The following ZNF280C variants were observed in gnomAD, a reference collection of about 807,000 sequenced individuals.
ZNF280C encodes zinc finger protein 280C.
A neutral mutation model predicts 53.6 loss-of-function variants in ZNF280C; 14 were observed. The ratio of observed to expected loss-of-function variants is 0.26; its 90% CI spans 0.17 to 0.41. The LOEUF is 0.41. Among genes scored for constraint, ZNF280C ranks in the 10% least tolerant of loss-of-function variants. The pLI is 1.00. For missense variants in ZNF280C, 416 were observed against 547.1 expected (o/e 0.76, Z 2.39); for synonymous variants, 203 against 181.1 (o/e 1.12, Z -0.97).
At chrX:130,266,964 G>C (rs1646745723) in intron 1 of ZNF280C, among the ~76,000 whole-genome samples, 1 of 111,093 alleles carries the variant, frequency 9.0e-6, no homozygotes, top group African/African-American at 3.3e-5. Flanking sequence ...AGCCGGGCGT[G>C]GTGGCAAGGG....
chrX:130,265,426 T>C (rs1208724734), intron 1 of ZNF280C, among the ~76,000 whole-genome samples: 1 of 112,556 alleles, frequency 8.9e-6, no homozygotes, highest in Non-Finnish European at 1.9e-5. Context: ...AAAAGACTAA[T>C]GTACAATTAC....
intron 1 of ZNF280C, among the ~76,000 whole-genome samples, chrX:130,265,148 T>C (rs1163082257): frequency 1.8e-5 from 2 of 112,222 alleles, no homozygotes; most frequent in Non-Finnish European, 3.8e-5. Context: ...TTTATTATTT[T>C]ATCCTTATTC....
intron 16 of ZNF280C, among the ~76,000 whole-genome samples, chrX:130,206,361 G>GTTTTTTTTTT (rs1048503644): frequency 6.8e-5 from 5 of 73,478 alleles, no homozygotes; most frequent in Admixed American, 1.7e-4. Context: ...GACTTCTTTA[G>GTTTTTTTTTT]TTTTTTTTTT....
intron 11 of ZNF280C, 46 bp downstream of exon 11, chrX:130,227,636 T>A (rs1416345496): frequency 2.2e-6 from 2 of 926,909 alleles, no homozygotes; most frequent in African/African-American, 3.9e-5. Context: ...TCATGGCACA[T>A]GAAAATTAAA....
chrX:130,260,276 T>C (rs1359820122), intron 2 of ZNF280C, 143 bp downstream of exon 2: 5 of 323,694 alleles, frequency 1.5e-5, no homozygotes, highest in African/African-American at 1.4e-4. Context: ...AGTGAGACTC[T>C]GTCTCAAAAA....
chrX:130,206,705 A>G (rs775018590), intron 16 of ZNF280C, among the ~76,000 whole-genome samples: 4 of 111,584 alleles, frequency 3.6e-5, no homozygotes, highest in Non-Finnish European at 3.8e-5. Flanking sequence ...ATTTACACCT[A>G]GCCAGAACTC....
chrX:130,261,579 C>T (rs1470353195), intron 1 of ZNF280C, among the ~76,000 whole-genome samples: 1 of 112,027 alleles, frequency 8.9e-6, no homozygotes, highest in Non-Finnish European at 1.9e-5. Flanking sequence ...CTAGTGAATT[C>T]TGTAATTCAG....
chrX:130,262,098 A>G (rs2032635878), intron 1 of ZNF280C, among the ~76,000 whole-genome samples: 1 of 112,113 alleles, frequency 8.9e-6, no homozygotes, highest in African/African-American at 3.2e-5. Flanking sequence ...GGCTATAGAG[A>G]TAGCTTTTGA....
chrX:130,264,074 A>AGAAAGAAAGAAAGAAAGAAAGAAAGAAAG (rs2032662796), intron 1 of ZNF280C, among the ~76,000 whole-genome samples: 1 of 109,392 alleles, frequency 9.1e-6, no homozygotes, highest in African/African-American at 3.3e-5. Context: ...AAAGAAAGAA[A>AGAAAGAAAGAAAGAAAGAAAGAAAGAAAG]AAATAATCAG....
rs183215989 is a variant in ZNF280C at position 130,237,229 on chromosome X, T to C, written c.494-590A>G. Reference sequence around the variant, plus strand: ...TCTTGTTTACTCCCTATATACAAAGTAGAAACAACTAATGTTGAATGATAA... The same window carrying C: ...TCTTGTTTACTCCCTATATACAAAGCAGAAACAACTAATGTTGAATGATAA... On this transcript the variant is annotated intron_variant, in intron 6 of 18. Transcript: ENST00000370978. Among the ~76,000 whole-genome samples, 597 of 111,980 alleles carry C rather than the reference T, an allele frequency of 5.3e-3. 2 individuals carry two copies. Among genetic ancestry groups the C allele is most frequent in the Middle Eastern group, 9.3e-3 (2 of 215 alleles).
chrX:130,258,304 T>C (rs2032596318), intron 2 of ZNF280C, among the ~76,000 whole-genome samples: 1 of 111,823 alleles, frequency 8.9e-6, no homozygotes, highest in African/African-American at 3.3e-5. Flanking sequence ...AATTTTACTA[T>C]ATTAAAATAA....
chrX:130,215,173 A>T lies in ZNF280C; in HGVS notation c.1979+20T>A, dbSNP rs762317014. The T allele has an allele frequency of 8.3e-7, 1 of 1,202,732 alleles. No homozygotes were observed. The highest frequency in any genetic ancestry group is 1.8e-5 in the South Asian group (1 of 55,482). ...GACCCAAATGGAAATTCTGATTGGC[A>T]GTTTACATGTTTAACTTACCTCATC... is the stretch of plus-strand genomic sequence containing the variant. On this transcript the variant is annotated intron_variant, in intron 15 of 18. Transcript: ENST00000370978.
At chrX:130,255,888 G>T (rs910882811) in intron 2 of ZNF280C, among the ~76,000 whole-genome samples, 2 of 112,031 alleles carry the variant, frequency 1.8e-5, no homozygotes, top group Non-Finnish European at 3.8e-5. Context: ...CCAGGAGCCG[G>T]TGGTTGCAGT....
At chrX:130,262,125 CAA>C (rs1245926405) in intron 1 of ZNF280C, among the ~76,000 whole-genome samples, 1 of 111,969 alleles carries the variant, frequency 8.9e-6, no homozygotes, top group Non-Finnish European at 1.9e-5. Context: ...ATGCAGCCAC[CAA>C]AGAGTCTCAA....
rs144349550 is a variant in ZNF280C at position 130,259,213 on chromosome X, A to G, written c.31+1206T>C. Among the ~76,000 whole-genome samples the G allele has an allele frequency of 5.9e-3, 664 of 112,273 alleles. 1 individual carries two copies. Among genetic ancestry groups the G allele is most frequent in the Admixed American group, 9.6e-3 (101 of 10,537 alleles). ...CCAAAGTAAGCTCCTTGAGAGTGAA[A>G]AACATATTTTCTTTCTTTGTATTTC... On this transcript the variant is annotated intron_variant, in intron 2 of 18. Coordinates refer to ENST00000370978, the MANE Select transcript of ZNF280C (RefSeq NM_017666.5).
chrX:130,264,951 T>C (rs972886624), intron 1 of ZNF280C, among the ~76,000 whole-genome samples: 4 of 111,991 alleles, frequency 3.6e-5, no homozygotes, highest in Non-Finnish European at 7.5e-5. Flanking sequence ...CTTAGACAAT[T>C]TGACTGGCAT....
chrX:130,227,414 C>T (rs2032231517), intron 11 of ZNF280C, among the ~76,000 whole-genome samples: 1 of 111,314 alleles, frequency 9.0e-6, no homozygotes, highest in African/African-American at 3.3e-5. Flanking sequence ...TATATGATAA[C>T]CCACACATTT....
intron 12 of ZNF280C, 21 bp from the exon 13 acceptor site, chrX:130,220,501 A>G: frequency 8.6e-7 from 1 of 1,167,943 alleles, no homozygotes. Context: ...AAAATATTAG[A>G]TATAATAACT....
chrX:130,225,060 A>G (rs1356775026), intron 12 of ZNF280C, among the ~76,000 whole-genome samples: 3 of 111,755 alleles, frequency 2.7e-5, no homozygotes, highest in Non-Finnish European at 5.6e-5. Flanking sequence ...CAGCAAGTTA[A>G]GGCATACAAC....
Sources: gnomAD v4.1 joint callset for allele counts (sites outside exome capture counted in the v4.1 genomes callset) on GRCh38, gnomAD v4.1.1 for gene constraint, MANE v1.5 for transcripts, NCBI Gene and HGNC (gene_info 2026-07-23, HGNC 2026-07-21) for gene names.